CNTNAP2: variants seen among roughly 807,000 people sequenced by gnomAD.
The protein encoded by CNTNAP2 is contactin associated protein 2.
Under a neutral mutation model 155.2 loss-of-function variants are expected in CNTNAP2, and 98 were observed. That is an observed-to-expected ratio of 0.63 (90% CI 0.54 to 0.75). The LOEUF (loss-of-function observed/expected upper bound fraction) is 0.75. Among genes scored for constraint, CNTNAP2 ranks in the 30% least tolerant of loss-of-function variants. The pLI, the probability that CNTNAP2 is intolerant of heterozygous loss-of-function variation, is 0.00. For synonymous variants in CNTNAP2, 651 were observed against 631.2 expected (o/e 1.03, Z -0.47); for missense variants, 1,727 against 1,688.1 (o/e 1.02, Z -0.40).
At chr7:146,979,388 G>A (rs1043677120) in intron 3 of CNTNAP2, among the ~76,000 whole-genome samples, 1 of 152,064 alleles carries the variant, frequency 6.6e-6, no homozygotes, top group East Asian at 1.9e-4. Flanking sequence ...TATATGGCTG[G>A]CTCCTTCTTA....
At chr7:146,285,465 C>A (rs544224836) in intron 1 of CNTNAP2, among the ~76,000 whole-genome samples, 2 of 151,870 alleles carry the variant, frequency 1.3e-5, no homozygotes, top group African/African-American at 2.4e-5. Flanking sequence ...AATTTGTATA[C>A]CACCGAGAAA....
At chr7:147,140,309 T>C (rs1286468642) in intron 8 of CNTNAP2, among the ~76,000 whole-genome samples, 1 of 151,994 alleles carries the variant, frequency 6.6e-6, no homozygotes, top group East Asian at 1.9e-4. Context: ...GCCGAGATCT[T>C]GCTACCCCTA....
In CNTNAP2 at chr7:147,240,102, G is replaced by A. The variant is rs74810392; in HGVS notation, c.1349-60039G>A. Among the ~76,000 whole-genome samples the A allele has an allele frequency of 4.2e-3, 643 of 152,088 alleles. 3 individuals carry two copies. Among genetic ancestry groups the A allele is most frequent in the African/African-American group, 0.015 (606 of 41,472 alleles). On this transcript the variant is annotated intron_variant, in intron 8 of 23. Coordinates refer to ENST00000361727, the MANE Select transcript of CNTNAP2 (RefSeq NM_014141.6). ...GCCTCATTTTTTTAATCCATAGAAC[G>A]AGGACAACCATAGTATTTAGCCTGG... is the stretch of plus-strand genomic sequence containing the variant.
At chr7:147,142,765 GAAT>G (rs1801625267) in intron 8 of CNTNAP2, among the ~76,000 whole-genome samples, 1 of 152,070 alleles carries the variant, frequency 6.6e-6, no homozygotes, top group Admixed American at 6.6e-5. Context: ...AACAAAAAAA[GAAT>G]AAGTCCTGAT....
At chr7:146,999,731 C>T (rs1188932991) in intron 3 of CNTNAP2, among the ~76,000 whole-genome samples, 1 of 152,014 alleles carries the variant, frequency 6.6e-6, no homozygotes, top group Non-Finnish European at 1.5e-5. Flanking sequence ...TAAGATTTTT[C>T]TTCAGATGTC....
At chr7:148,245,009 T>A (rs1796228892) in intron 20 of CNTNAP2, among the ~76,000 whole-genome samples, 1 of 152,218 alleles carries the variant, frequency 6.6e-6, no homozygotes, top group African/African-American at 2.4e-5. Context: ...TGCATTTGTA[T>A]TTTTTTACTA....
intron 22 of CNTNAP2, among the ~76,000 whole-genome samples, chr7:148,392,134 C>T (rs560270749): frequency 1.3e-5 from 2 of 150,294 alleles, no homozygotes; most frequent in Admixed American, 1.3e-4. Context: ...AGTGTAGAGG[C>T]GTGATCTCGG....
chr7:147,771,042 T>C (rs1049289664), intron 13 of CNTNAP2, among the ~76,000 whole-genome samples: 5 of 152,204 alleles, frequency 3.3e-5, no homozygotes, highest in African/African-American at 1.2e-4. Context: ...CAAAAATTGA[T>C]ATATGCATTT....
At chr7:148,401,606 C>CTT (rs34892359) in intron 22 of CNTNAP2, among the ~76,000 whole-genome samples, 79 of 148,720 alleles carry the variant, frequency 5.3e-4, no homozygotes, top group South Asian at 1.9e-3. Flanking sequence ...TTTCTTTTTT[C>CTT]TTTTTTTTTT....
intron 1 of CNTNAP2, among the ~76,000 whole-genome samples, chr7:146,488,191 C>T (rs1797084730): frequency 1.3e-5 from 2 of 151,716 alleles, no homozygotes; most frequent in African/African-American, 4.8e-5. Flanking sequence ...GTCTTACGCA[C>T]GTGAGGAATT....
chr7:147,299,130 C>A lies in CNTNAP2; in HGVS notation c.1349-1011C>A, dbSNP rs1584855443. On this transcript the variant is annotated intron_variant, in intron 8 of 23. Transcript: ENST00000361727. ...AAGAAGAATAGCACAAAATACCCCC[C>A]ACCCACCACCTTGTCATAGCACAGG... 2.0e-5 allele frequency among the ~76,000 whole-genome samples: 3 copies of A among 152,262 alleles called. No individual in the cohort carries two copies. The South Asian group carries it at 6.2e-4, about 32-fold the overall frequency.
chr7:147,920,484 G>A (rs185403488), intron 14 of CNTNAP2, among the ~76,000 whole-genome samples: 8 of 152,028 alleles, frequency 5.3e-5, no homozygotes, highest in South Asian at 2.1e-4. Context: ...CAGGGCCTTC[G>A]TTCACTGATA....
chr7:148,363,657 C>T lies in CNTNAP2; in HGVS notation c.3476-19992C>T, dbSNP rs1798668806. ...CTTTTGAGAGGTGACAGCGTGCTGG[C>T]AGTCCTCAGAGCCCTCGCTTGCTCT... On this transcript the variant is annotated intron_variant, in intron 21 of 23. Transcript: ENST00000361727. Among the ~76,000 whole-genome samples the T allele has an allele frequency of 9.9e-5, 15 of 152,186 alleles. 1 individual carries two copies. Among genetic ancestry groups the T allele is most frequent in the Admixed American group, 9.8e-4 (15 of 15,284 alleles).
chr7:146,609,402 C>G (rs536021800), intron 1 of CNTNAP2, among the ~76,000 whole-genome samples: 2 of 152,302 alleles, frequency 1.3e-5, no homozygotes, highest in Admixed American at 1.3e-4. Flanking sequence ...AAGGGTCATT[C>G]TGAAAACAGG....
chr7:146,496,976 T>C (rs1353797905), intron 1 of CNTNAP2, among the ~76,000 whole-genome samples: 1 of 152,174 alleles, frequency 6.6e-6, no homozygotes, highest in Non-Finnish European at 1.5e-5. Flanking sequence ...ATTGGAATTG[T>C]GGAGTGGGCA....
chr7:147,720,376 C>CTGTT (rs763247173), intron 13 of CNTNAP2, among the ~76,000 whole-genome samples: 2 of 152,108 alleles, frequency 1.3e-5, no homozygotes, highest in African/African-American at 4.8e-5. Flanking sequence ...TCCTTTCTTT[C>CTGTT]TGTTGTGTTG....
At chr7:148,225,872 A>T (rs766014589) in intron 19 of CNTNAP2, among the ~76,000 whole-genome samples, 5 of 152,228 alleles carry the variant, frequency 3.3e-5, no homozygotes, top group Non-Finnish European at 7.3e-5. Context: ...AACTGGAAGG[A>T]TGAATTGGCA....
At chr7:147,785,732 C>T (rs1011220370) in intron 13 of CNTNAP2, among the ~76,000 whole-genome samples, 1 of 152,236 alleles carries the variant, frequency 6.6e-6, no homozygotes, top group African/African-American at 2.4e-5. Flanking sequence ...TGGCTCATGC[C>T]TGTAATCCCA....
chr7:146,164,582 T>C (rs1166777486), intron 1 of CNTNAP2, among the ~76,000 whole-genome samples: 1 of 152,210 alleles, frequency 6.6e-6, no homozygotes, highest in Non-Finnish European at 1.5e-5. Context: ...TTGATGAACT[T>C]GAATACCATC....
Sources: allele counts gnomAD v4.1 joint callset (sites outside exome capture counted in the v4.1 genomes callset), GRCh38; gene constraint gnomAD v4.1.1; transcripts MANE v1.5; gene names NCBI Gene and HGNC (gene_info 2026-07-23, HGNC 2026-07-21).